NTM: variants seen among roughly 807,000 people sequenced by gnomAD.
The protein encoded by NTM is neurotrimin.
A neutral mutation model predicts 42.1 loss-of-function variants in NTM; 13 were observed. That is an observed-to-expected ratio of 0.31 (90% CI 0.20 to 0.49). NTM has a LOEUF of 0.49. Among genes scored for constraint, NTM ranks in the 20% least tolerant of loss-of-function variants. The pLI is 0.99. For missense variants in NTM, 373 were observed against 452.8 expected, an observed-to-expected ratio of 0.82 and a Z score of 1.60; for synonymous variants, 187 against 179.2, an observed-to-expected ratio of 1.04 and a Z score of -0.35.
intron 3 of NTM, among the ~76,000 whole-genome samples, chr11:132,152,503 C>T (rs2072187148): frequency 6.6e-6 from 1 of 152,174 alleles, no homozygotes; most frequent in South Asian, 2.1e-4. Context: ...GGTCATAAGA[C>T]TGTGTGTCTA....
intron 2 of NTM, among the ~76,000 whole-genome samples, chr11:131,961,627 G>A (rs2062179697): frequency 6.6e-6 from 1 of 152,132 alleles, no homozygotes; most frequent in Non-Finnish European, 1.5e-5. Flanking sequence ...TGGTCTCAAA[G>A]GCCACACTAG....
intron 1 of NTM, among the ~76,000 whole-genome samples, chr11:131,732,966 G>T (rs1239138078): frequency 6.6e-6 from 1 of 152,032 alleles, no homozygotes; most frequent in Non-Finnish European, 1.5e-5. Flanking sequence ...TAATTAGTAT[G>T]ATGTACACAT....
In NTM at chr11:132,002,764, A is replaced by G. The variant is rs578214680; in HGVS notation, c.167+91116A>G. ...TGCCACTTCCTTACTCTGTCTCTTT[A>G]TCAATAAACTCATTGGGAAAAGTGG... On this transcript the variant is annotated intron_variant, in intron 2 of 8. Transcript: ENST00000683400. The surrounding 1 kb of genome is among the most constrained non-coding windows in gnomAD (Gnocchi z 4.5). 6.6e-5 allele frequency among the ~76,000 whole-genome samples: 10 copies of G among 152,092 alleles called. No homozygotes were observed. The highest frequency in any genetic ancestry group is 1.0e-4 in the Non-Finnish European group (7 of 68,022).
intron 4 of NTM, among the ~76,000 whole-genome samples, chr11:132,268,664 CTCTCTCTGTGTGTGTG>C (rs2093334811): frequency 2.6e-4 from 15 of 57,092 alleles, no homozygotes; most frequent in Non-Finnish European, 5.3e-4. Flanking sequence ...GGTCCTCTCT[CTCTCTCTGTGTGTGTG>C]TGTGTGTGTG....
intron 1 of NTM, among the ~76,000 whole-genome samples, chr11:131,758,688 G>A (rs989030668): frequency 6.6e-6 from 1 of 151,862 alleles, no homozygotes; most frequent in African/African-American, 2.4e-5. Context: ...AGCCTCCCAG[G>A]TTCAAATGAT....
At chr11:131,569,751 A>G (rs1401776964) in intron 1 of NTM, among the ~76,000 whole-genome samples, 2 of 151,974 alleles carry the variant, frequency 1.3e-5, no homozygotes, top group African/African-American at 4.8e-5. Context: ...TAACTTTTAA[A>G]AAGTTTTTTT....
At chr11:131,560,333 T>C (rs116374789) in intron 1 of NTM, among the ~76,000 whole-genome samples, 8,039 of 152,250 alleles carry the variant, frequency 0.053, 231 homozygotes, top group Middle Eastern at 0.082. Flanking sequence ...CCCGTAGTCA[T>C]AAACGCAGTC....
At chr11:132,196,399 A>G (rs2080218114) in intron 3 of NTM, among the ~76,000 whole-genome samples, 1 of 152,106 alleles carries the variant, frequency 6.6e-6, no homozygotes. Flanking sequence ...GATTTTTCAA[A>G]GGACTTAGAA....
intron 1 of NTM, among the ~76,000 whole-genome samples, chr11:131,871,568 C>G (rs1489639383): frequency 1.3e-5 from 2 of 152,164 alleles, no homozygotes; most frequent in Non-Finnish European, 1.5e-5. Flanking sequence ...ATTGTTGCCT[C>G]TTCTATGTTT....
chr11:131,918,858 C>A lies in NTM; in HGVS notation c.167+7210C>A, dbSNP rs559379915. Among the ~76,000 whole-genome samples the A allele has an allele frequency of 3.9e-5, 6 of 152,284 alleles. No individual in the cohort carries two copies. The East Asian group carries it at 9.7e-4, about 25-fold the overall frequency. ...TAGAGGTCCCTTCTACTCACAGAAT[C>A]CTGCAATTTCTATAGTTTGTTCAGA... is the stretch of plus-strand genomic sequence containing the variant. On this transcript the variant is annotated intron_variant, in intron 2 of 8. Coordinates refer to ENST00000683400, the MANE Select transcript of NTM (RefSeq NM_001352005.2).
intron 1 of NTM, among the ~76,000 whole-genome samples, chr11:131,515,012 G>T (rs141690282): frequency 6.6e-6 from 1 of 152,188 alleles, no homozygotes; most frequent in African/African-American, 2.4e-5. Flanking sequence ...GGGAACAAGC[G>T]ATCCTCCTGC....
intron 2 of NTM, among the ~76,000 whole-genome samples, chr11:132,126,795 G>C (rs1255583634): frequency 6.6e-6 from 1 of 152,114 alleles, no homozygotes; most frequent in African/African-American, 2.4e-5. Flanking sequence ...TGCTGGCTGC[G>C]ACCTTGCAGC....
At chr11:131,841,620 A>G (rs1288621833) in intron 1 of NTM, among the ~76,000 whole-genome samples, 4 of 152,204 alleles carry the variant, frequency 2.6e-5, no homozygotes, top group African/African-American at 9.6e-5. Flanking sequence ...AGAGACAGAT[A>G]AGAAAACAGA....
rs564899275 is a variant in NTM, at chr11:132,173,856, A to T, written c.400+27342A>T. The stretch of plus-strand genomic sequence containing the variant: ...GGTAGCAGTTGTTTTTGAAGATATC[A>T]CAGCCTAAATGGAATTAACTTTCTT... On this transcript the variant is annotated intron_variant, in intron 3 of 8. Transcript: ENST00000683400. 1.2e-4 allele frequency among the ~76,000 whole-genome samples: 18 copies of T among 152,328 alleles called. No individual in the cohort carries two copies. The South Asian group carries it at 3.1e-3, about 26-fold the overall frequency.
intron 4 of NTM, among the ~76,000 whole-genome samples, chr11:132,293,085 AC>A (rs1373683015): frequency 6.6e-6 from 1 of 152,196 alleles, no homozygotes; most frequent in Non-Finnish European, 1.5e-5. Flanking sequence ...CGAGGAGGTC[AC>A]AGAGAATAGT....
Position 131,753,545 on chromosome 11 carries a change from T to C in NTM, c.83-158019T>C, listed in dbSNP as rs1219505729. ...AAGAAAATGTGGCACATATACACCATGGAATACTATGCAGCCATAAAAAGT... is the reference window on the plus strand; with the variant it reads ...AAGAAAATGTGGCACATATACACCACGGAATACTATGCAGCCATAAAAAGT... On this transcript the variant is annotated intron_variant, in intron 1 of 8. Transcript: ENST00000683400. 3.2e-3 allele frequency among the ~76,000 whole-genome samples: 481 copies of C among 150,604 alleles called. 5 individuals carry two copies. The highest frequency in any genetic ancestry group is 0.011 in the African/African-American group (454 of 39,952).
intron 1 of NTM, among the ~76,000 whole-genome samples, chr11:131,725,983 G>C (rs1026280722): frequency 1.3e-5 from 2 of 152,150 alleles, no homozygotes; most frequent in African/African-American, 4.8e-5. Flanking sequence ...TACCAGTCTT[G>C]AGGACCACAC....
At chr11:132,149,255 A>G (rs971981507) in intron 3 of NTM, among the ~76,000 whole-genome samples, 2 of 148,432 alleles carry the variant, frequency 1.3e-5, no homozygotes, top group African/African-American at 5.2e-5. Flanking sequence ...AAGGGAAAGA[A>G]ATATATTTAT....
intron 1 of NTM, among the ~76,000 whole-genome samples, chr11:131,403,008 C>T (rs1428514975): frequency 2.0e-5 from 3 of 152,256 alleles, no homozygotes; most frequent in Non-Finnish European, 2.9e-5. Context: ...CTGAAGAAGT[C>T]GAAATCCAAT....
Sources: allele counts gnomAD v4.1 joint callset (sites outside exome capture counted in the v4.1 genomes callset), GRCh38; gene constraint gnomAD v4.1.1; non-coding constraint Gnocchi (gnomAD v3.1); transcripts MANE v1.5; gene names NCBI Gene and HGNC (gene_info 2026-07-23, HGNC 2026-07-21).